The following SCUBE1 variants were observed in gnomAD, a reference collection of about 807,000 sequenced individuals.
SCUBE1 encodes signal peptide, CUB domain and EGF like domain containing 1, also known as signal peptide, CUB and EGF-like domain-containing protein 1.
A neutral mutation model predicts 124.4 loss-of-function variants in SCUBE1; 59 were observed. That is an observed-to-expected ratio of 0.47 (90% CI 0.38 to 0.59). The LOEUF (loss-of-function observed/expected upper bound fraction) is 0.59, where lower values mean the gene tolerates loss of function less well. Among genes scored for constraint, SCUBE1 ranks in the 20% least tolerant of loss-of-function variants. The probability of loss-of-function intolerance (pLI) is 0.00; values close to 1 mark genes in which losing one functional copy is unlikely to be tolerated. For synonymous variants in SCUBE1, 545 were observed against 550.9 expected (o/e 0.99, Z 0.15); for missense variants, 1,150 against 1,371.2 (o/e 0.84, Z 2.55).
intron 2 of SCUBE1, among the ~76,000 whole-genome samples, chr22:43,332,400 A>T (rs1203163194): frequency 6.6e-6 from 1 of 152,210 alleles, no homozygotes; most frequent in Non-Finnish European, 1.5e-5. Context: ...TCCCATTCCC[A>T]GGTCCTGTCT....
At chr22:43,222,840 A>C (rs1031700545) in intron 11 of SCUBE1, 98 bp from the exon 12 acceptor site, 64 of 1,053,670 alleles carry the variant, frequency 6.1e-5, no homozygotes, top group Non-Finnish European at 7.8e-5. Flanking sequence ...TGAGACGAAG[A>C]TCAGGACAGA....
chr22:43,268,562 G>T (rs1054778862), intron 4 of SCUBE1, among the ~76,000 whole-genome samples: 2 of 152,264 alleles, frequency 1.3e-5, no homozygotes, highest in Non-Finnish European at 2.9e-5. Flanking sequence ...GGAGAGGACA[G>T]ATGCTCTGCT....
intron 4 of SCUBE1, among the ~76,000 whole-genome samples, chr22:43,285,358 C>T (rs1601859666): frequency 6.6e-6 from 1 of 152,342 alleles, no homozygotes; most frequent in East Asian, 1.9e-4. Context: ...TCTGCCCACG[C>T]CCACCTTCCT....
In SCUBE1 at chr22:43,241,919, C is replaced by T. The variant is rs113313350; in HGVS notation, c.728-2965G>A. Reference sequence around the variant, plus strand: ...GGGTCAAGTGGAGGGAGCAGTCTGGCCTTGGGCCCGCCCTCACCTCTTCCC... The same window carrying T: ...GGGTCAAGTGGAGGGAGCAGTCTGGTCTTGGGCCCGCCCTCACCTCTTCCC... On this transcript the variant is annotated intron_variant, in intron 6 of 21. Transcript: ENST00000360835. 8.9e-4 allele frequency among the ~76,000 whole-genome samples: 135 copies of T among 152,372 alleles called. 2 individuals carry two copies. The highest frequency in any genetic ancestry group is 2.8e-3 in the African/African-American group (116 of 41,598).
intron 2 of SCUBE1, among the ~76,000 whole-genome samples, chr22:43,335,001 C>G (rs541798155): frequency 6.6e-6 from 1 of 152,332 alleles, no homozygotes; most frequent in East Asian, 1.9e-4. Flanking sequence ...TTAACACCCT[C>G]TTCTCAGAAC....
rs1922665229 is a variant in SCUBE1, at chr22:43,234,142, A to G, written c.845-2267T>C. Among the ~76,000 whole-genome samples the G allele has an allele frequency of 3.9e-5, 6 of 151,994 alleles. No homozygotes were observed. In the South Asian group the frequency reaches 1.2e-3, roughly 32 times the overall value. On this transcript the variant is annotated intron_variant, in intron 7 of 21. Transcript: ENST00000360835. This position sits in a 1 kb window ranked among gnomAD's most constrained non-coding sequence, Gnocchi z 4.4. The stretch of plus-strand genomic sequence containing the variant: ...GGGCGGAGGCTTAGGAATCTCTATC[A>G]TTCCTTCCCCCCGAGCCCCGGGATT...
intron 14 of SCUBE1, 52 bp from the exon 15 acceptor site, chr22:43,218,510 CT>C (rs1921939212): frequency 1.3e-6 from 2 of 1,581,668 alleles, no homozygotes. Flanking sequence ...TTGCTAGCCG[CT>C]GCCTTCTTAG....
At chr22:43,314,661 G>A (rs1350846834) in intron 3 of SCUBE1, among the ~76,000 whole-genome samples, 2 of 152,192 alleles carry the variant, frequency 1.3e-5, no homozygotes, top group Non-Finnish European at 2.9e-5. Context: ...AAAGGTGGCT[G>A]CTTTCAGGGT....
chr22:43,325,506 G>A (rs1926697162), intron 2 of SCUBE1, among the ~76,000 whole-genome samples: 1 of 151,322 alleles, frequency 6.6e-6, no homozygotes. Flanking sequence ...GGAGAAAAGT[G>A]GGGAAGAGAT....
chr22:43,273,520 T>G (rs1924371362), intron 4 of SCUBE1, among the ~76,000 whole-genome samples: 1 of 151,034 alleles, frequency 6.6e-6, no homozygotes, highest in African/African-American at 2.4e-5. Context: ...GTTTTAGAAC[T>G]TGTTGTTGCC....
chr22:43,236,906 C>T (rs2146684088), intron 7 of SCUBE1, among the ~76,000 whole-genome samples: 1 of 152,302 alleles, frequency 6.6e-6, no homozygotes, highest in East Asian at 1.9e-4. Flanking sequence ...CAATAGGAGC[C>T]CAGAAAACAC....
At chr22:43,213,125 C>G (rs13053704) in intron 16 of SCUBE1, 10,501 of 157,162 alleles carry the variant, frequency 0.067, 472 homozygotes, top group Non-Finnish European at 0.098. Flanking sequence ...ATTTCAGCTC[C>G]GAGTAAAGAA....
intron 6 of SCUBE1, among the ~76,000 whole-genome samples, chr22:43,254,986 C>T (rs758079076): frequency 2.1e-4 from 32 of 152,286 alleles, no homozygotes; most frequent in South Asian, 4.1e-4. Context: ...AGGTCCTGGC[C>T]GGTAGCTTCC....
chr22:43,339,920 C>A (rs1259464905), intron 1 of SCUBE1, among the ~76,000 whole-genome samples: 1 of 48,092 alleles, frequency 2.1e-5, no homozygotes, highest in African/African-American at 1.0e-4. Flanking sequence ...TTCTACCCCC[C>A]CAACAAGCAT....
chr22:43,237,200 T>C lies in SCUBE1; in HGVS notation c.844+1638A>G, dbSNP rs144849269. ...CAGAACCAGAGTGGGAGGAAACGAG[T>C]GTCCCTTGGGCTACCGAGGGATGGT... On this transcript the variant is annotated intron_variant, in intron 7 of 21. Coordinates refer to ENST00000360835, the MANE Select transcript of SCUBE1 (RefSeq NM_173050.5). Among the ~76,000 whole-genome samples, 1,400 of 151,788 alleles carry C rather than the reference T, an allele frequency of 9.2e-3. 12 individuals carry two copies. The highest frequency in any genetic ancestry group is 0.016 in the Non-Finnish European group (1,105 of 67,884).
rs776029470 is a variant in SCUBE1 at position 43,208,171 on chromosome 22, T to C, written c.2635A>G (p.Ile879Val). 1.9e-6 allele frequency: 3 copies of C among 1,614,104 alleles called. No homozygotes were observed. Among genetic ancestry groups the C allele is most frequent in the Non-Finnish European group, 2.5e-6 (3 of 1,180,004 alleles). The change falls in exon 20 of 22, where the codon ATC becomes GTC. Residue 879 changes from isoleucine to valine, a missense_variant. Physicochemically the swap from Ile to Val is conservative, Grantham distance 29. Coordinates refer to ENST00000360835, the MANE Select transcript of SCUBE1 (RefSeq NM_173050.5). ...YETCQTYERP[I>V]AFTSRSRKLW... The stretch of plus-strand genomic sequence containing the variant: ...TTGCGGGAGCGGGAGGTGAAGGCGA[T>C]GGGCCTCTCGTAGGTCTGGCAGGTC...
chr22:43,321,523 TAACA>T (rs1199575248), intron 2 of SCUBE1, among the ~76,000 whole-genome samples: 1 of 152,110 alleles, frequency 6.6e-6, no homozygotes, highest in Non-Finnish European at 1.5e-5. Flanking sequence ...GCAAAGGGGA[TAACA>T]AACAGCAGAA....
At chr22:43,337,490 C>T (rs978031840) in intron 2 of SCUBE1, among the ~76,000 whole-genome samples, 9 of 152,318 alleles carry the variant, frequency 5.9e-5, no homozygotes, top group Non-Finnish European at 1.0e-4. Context: ...CTCGAACCAG[C>T]GAGCTAACCT....
chr22:43,198,300 TGC>T lies in SCUBE1; in HGVS notation c.*5695_*5696del, dbSNP rs1920956015. On this transcript the variant is annotated 3_prime_UTR_variant, in exon 22 of 22. Transcript: ENST00000360835. ...CACTCAGGGGCTCTGAGTGGCATGGTGCAGCAGGGGACTGGAGAGGCCTTGAG... is the reference window on the plus strand; with the variant it reads ...CACTCAGGGGCTCTGAGTGGCATGGTAGCAGGGGACTGGAGAGGCCTTGAG... 2 of 345,512 alleles carry T rather than the reference TGC, an allele frequency of 5.8e-6. No homozygotes were observed. The highest frequency in any genetic ancestry group is 7.8e-5 in the Admixed American group (2 of 25,684). 21.4% of individuals were successfully genotyped at this position (345,512 alleles called of 1,614,324 possible). A position where few individuals can be genotyped will look rare whatever the true frequency, so the allele number is the denominator to read the frequency against.
Sources: gnomAD v4.1 joint callset for allele counts (sites outside exome capture counted in the v4.1 genomes callset) on GRCh38, gnomAD v4.1.1 for gene constraint, Gnocchi (gnomAD v3.1) non-coding constraint, MANE v1.5 for transcripts, NCBI Gene and HGNC (gene_info 2026-07-23, HGNC 2026-07-21) for gene names.